The following CSMD1 variants were observed in gnomAD, a reference collection of about 807,000 sequenced individuals.
The protein encoded by CSMD1 is CUB and sushi domain-containing protein 1.
Under a neutral mutation model 417.5 loss-of-function variants are expected in CSMD1, and 213 were observed. The observed-to-expected ratio is 0.51, with a 90% CI of 0.46 to 0.57. CSMD1 has a LOEUF of 0.57. Ranked by LOEUF, CSMD1 falls within the 20% of genes least tolerant of loss-of-function variation. The pLI is 0.00. For synonymous variants in CSMD1, 2,862 were observed against 1,736.8 expected (o/e 1.65, Z -16.11); for missense variants, 6,923 against 4,529.7 (o/e 1.53, Z -15.17).
chr8:4,486,933 G>A (rs1303412313), intron 2 of CSMD1, among the ~76,000 whole-genome samples: 1 of 152,140 alleles, frequency 6.6e-6, no homozygotes, highest in African/African-American at 2.4e-5. Flanking sequence ...TTGTCAAGCA[G>A]GCAGGGTCCT....
intron 2 of CSMD1, among the ~76,000 whole-genome samples, chr8:4,633,426 T>C (rs943018820): frequency 2.4e-4 from 37 of 151,868 alleles, no homozygotes; most frequent in African/African-American, 8.5e-4. Context: ...TTTTTTTGTA[T>C]TTTTAGTAGA....
intron 6 of CSMD1, among the ~76,000 whole-genome samples, chr8:3,726,924 T>A (rs1287571897): frequency 6.6e-6 from 1 of 152,230 alleles, no homozygotes; most frequent in Non-Finnish European, 1.5e-5. Context: ...CATACACAGA[T>A]AACCTAACAA....
At position 3,153,957 on chromosome 8, in the gene CSMD1, A is replaced by G. The variant is rs140310186; in HGVS notation, c.5915-2444T>C. Among the ~76,000 whole-genome samples the G allele has an allele frequency of 8.3e-4, 126 of 152,292 alleles. 1 individual carries two copies. The highest frequency in any genetic ancestry group is 2.8e-3 in the African/African-American group (118 of 41,576). ...CAGAGCTCCCAAAAGACGCATATCC[A>G]TCTTTTCTTCCTTTGTAACTTTTTT... On this transcript the variant is annotated intron_variant, in intron 39 of 69. Coordinates refer to ENST00000635120, the MANE Select transcript of CSMD1 (RefSeq NM_033225.6).
At chr8:4,308,879 T>A (rs572687290) in intron 3 of CSMD1, among the ~76,000 whole-genome samples, 1 of 152,204 alleles carries the variant, frequency 6.6e-6, no homozygotes, top group Admixed American at 6.5e-5. Flanking sequence ...ATTATAGCTA[T>A]AAACACATGG....
In CSMD1 at chr8:3,137,632, ACT is replaced by A. The variant is rs1457084009; in HGVS notation, c.6241+4831_6241+4832del. Reference sequence around the variant, plus strand: ...GTGCATTTTCATAAAATCTAAGCACACTCTCTTGTATACTTGAAGCCATCTCT... The same window carrying A: ...GTGCATTTTCATAAAATCTAAGCACACTCTTGTATACTTGAAGCCATCTCT... On this transcript the variant is annotated intron_variant, in intron 41 of 69. Coordinates refer to ENST00000635120, the MANE Select transcript of CSMD1 (RefSeq NM_033225.6). Among the ~76,000 whole-genome samples, 3 of 152,218 alleles carry A rather than the reference ACT, an allele frequency of 2.0e-5. No individual in the cohort carries two copies. In the East Asian group the frequency reaches 5.8e-4, roughly 29 times the overall value.
At chr8:3,626,844 C>G (rs1375509069) in intron 7 of CSMD1, among the ~76,000 whole-genome samples, 1 of 148,796 alleles carries the variant, frequency 6.7e-6, no homozygotes, top group East Asian at 1.9e-4. Context: ...TAAATATATA[C>G]AATAAATAAG....
chr8:4,358,083 T>G (rs7014959), intron 3 of CSMD1, among the ~76,000 whole-genome samples: 2 of 152,160 alleles, frequency 1.3e-5, no homozygotes, highest in East Asian at 1.9e-4. Context: ...TATGTATATA[T>G]GTATACATAC....
intron 3 of CSMD1, among the ~76,000 whole-genome samples, chr8:4,374,811 A>T (rs73660764): frequency 6.6e-6 from 1 of 152,092 alleles, no homozygotes; most frequent in African/African-American, 2.4e-5. Context: ...GGATGGCAGG[A>T]AAACGGCCTG....
intron 7 of CSMD1, among the ~76,000 whole-genome samples, chr8:3,666,052 C>G (rs1347840856): frequency 6.6e-6 from 1 of 152,142 alleles, no homozygotes; most frequent in African/African-American, 2.4e-5. Context: ...CCCAACACCA[C>G]ACCTGGCTAA....
chr8:2,974,509 G>T lies in CSMD1; in HGVS notation c.8682C>A (p.Asn2894Lys), dbSNP rs563744616. 1.2e-6 allele frequency: 2 copies of T among 1,613,480 alleles called. No homozygotes were observed. The highest frequency in any genetic ancestry group is 1.3e-5 in the African/African-American group (1 of 75,052). Residue 2894 changes from asparagine to lysine, a missense_variant, in exon 56 of 70, where the codon AAC (asparagine) becomes AAA (lysine). By Grantham distance (94) the Asn-to-Lys change is moderately conservative. Coordinates refer to ENST00000635120, the MANE Select transcript of CSMD1 (RefSeq NM_033225.6). ...TGTCTTCCTGGCACACTCTCGTGTC[G>T]TTGCCTATGAGGCTCTCGCTCCCTC... The part of the protein sequence containing the change: ...SCRGSESLIG[N>K]DTRVCQEDSH...
chr8:3,136,646 T>C (rs1299797821), intron 41 of CSMD1, among the ~76,000 whole-genome samples: 1 of 152,142 alleles, frequency 6.6e-6, no homozygotes, highest in Non-Finnish European at 1.5e-5. Flanking sequence ...ATAATATTTT[T>C]ATATCAGTGG....
intron 3 of CSMD1, among the ~76,000 whole-genome samples, chr8:4,195,322 T>C (rs375210650): frequency 2.4e-4 from 37 of 152,258 alleles, no homozygotes; most frequent in East Asian, 5.8e-4. Context: ...AAAAGGCAAA[T>C]TCTATAGAAC....
At chr8:4,714,122 G>A (rs961039395) in intron 1 of CSMD1, among the ~76,000 whole-genome samples, 4 of 152,002 alleles carry the variant, frequency 2.6e-5, no homozygotes, top group Non-Finnish European at 5.9e-5. Flanking sequence ...TCCAGTCTGG[G>A]TGACAGAACG....
intron 25 of CSMD1, among the ~76,000 whole-genome samples, chr8:3,298,302 G>C (rs1048972649): frequency 2.0e-5 from 3 of 152,168 alleles, no homozygotes; most frequent in Admixed American, 1.3e-4. Flanking sequence ...AAGCAGCACA[G>C]TTTGCATTAA....
rs896889449 is a variant in CSMD1, at chr8:3,460,624, G to A, written c.1561+8088C>T. ...TAAGAGAATGAAGATAAACAGGAGG[G>A]ATGGGATAGAAGGATATTTACTAGA... On this transcript the variant is annotated intron_variant, in intron 12 of 69. Coordinates refer to ENST00000635120, the MANE Select transcript of CSMD1 (RefSeq NM_033225.6). 6.6e-5 allele frequency among the ~76,000 whole-genome samples: 10 copies of A among 152,122 alleles called. No homozygotes were observed. The South Asian group carries it at 2.1e-3, about 32-fold the overall frequency.
intron 2 of CSMD1, among the ~76,000 whole-genome samples, chr8:4,573,712 C>G (rs972575405): frequency 1.3e-5 from 2 of 152,238 alleles, no homozygotes; most frequent in African/African-American, 2.4e-5. Flanking sequence ...TCTGCTGAAG[C>G]TGCACCCACA....
chr8:4,553,111 G>C (rs191121678), intron 2 of CSMD1, among the ~76,000 whole-genome samples: 4 of 152,236 alleles, frequency 2.6e-5, no homozygotes, highest in Non-Finnish European at 5.9e-5. Context: ...GATAGTTTTC[G>C]AGGTACCTAT....
chr8:3,981,839 C>T (rs1238908633), intron 5 of CSMD1, among the ~76,000 whole-genome samples: 1 of 152,130 alleles, frequency 6.6e-6, no homozygotes, highest in Non-Finnish European at 1.5e-5. Flanking sequence ...AGCAGGAGGG[C>T]GTGCACTTGC....
intron 1 of CSMD1, among the ~76,000 whole-genome samples, chr8:4,725,194 G>A (rs569782889): frequency 9.4e-4 from 143 of 152,202 alleles, no homozygotes; most frequent in Non-Finnish European, 1.7e-3. Flanking sequence ...AGAGAATAAA[G>A]ATGAAAAGGT....
Sources: allele counts gnomAD v4.1 joint callset (sites outside exome capture counted in the v4.1 genomes callset), GRCh38; gene constraint gnomAD v4.1.1; transcripts MANE v1.5; gene names NCBI Gene and HGNC (gene_info 2026-07-23, HGNC 2026-07-21).